CAMK2D: variants seen among roughly 807,000 people sequenced by gnomAD.
CAMK2D encodes calcium/calmodulin dependent protein kinase II delta.
A neutral mutation model predicts 84.0 loss-of-function variants in CAMK2D; 37 were observed. The ratio of observed to expected loss-of-function variants is 0.44; its 90% CI spans 0.34 to 0.58. The LOEUF is 0.58. Ranked by LOEUF, CAMK2D falls within the 20% of genes least tolerant of loss-of-function variation. The pLI, the probability that CAMK2D is intolerant of heterozygous loss-of-function variation, is 0.02. For synonymous variants in CAMK2D, 202 were observed against 212.5 expected, an observed-to-expected ratio of 0.95 and a Z score of 0.43; for missense variants, 448 against 652.5, an observed-to-expected ratio of 0.69 and a Z score of 3.41.
intron 2 of CAMK2D, among the ~76,000 whole-genome samples, chr4:113,740,364 T>C (rs891630947): frequency 3.7e-5 from 5 of 134,968 alleles, no homozygotes; most frequent in South Asian, 2.4e-4. Context: ...GAAAGTATTA[T>C]GCTAAATGAA....
At chr4:113,592,613 T>C (rs999086889) in intron 4 of CAMK2D, among the ~76,000 whole-genome samples, 3 of 152,200 alleles carry the variant, frequency 2.0e-5, no homozygotes, top group Non-Finnish European at 1.5e-5. Context: ...CAATGGAGTA[T>C]GATTTTTTTT....
intron 4 of CAMK2D, among the ~76,000 whole-genome samples, chr4:113,581,687 C>T (rs2098810912): frequency 1.3e-5 from 2 of 151,926 alleles, no homozygotes; most frequent in South Asian, 2.1e-4. Flanking sequence ...TTCTTCCTTC[C>T]CACTACTACA....
At chr4:113,673,179 G>T (rs1223856860) in intron 2 of CAMK2D, among the ~76,000 whole-genome samples, 1 of 152,128 alleles carries the variant, frequency 6.6e-6, no homozygotes, top group Non-Finnish European at 1.5e-5. Context: ...TACCAAATTG[G>T]AAGGGAATGA....
intron 16 of CAMK2D, among the ~76,000 whole-genome samples, chr4:113,488,543 T>C (rs1264007866): frequency 6.6e-6 from 1 of 152,200 alleles, no homozygotes; most frequent in Non-Finnish European, 1.5e-5. Flanking sequence ...TTAAAGTTAA[T>C]TCTTAAAGTG....
intron 4 of CAMK2D, among the ~76,000 whole-genome samples, chr4:113,602,665 T>C (rs957377746): frequency 3.3e-5 from 5 of 152,250 alleles, no homozygotes; most frequent in African/African-American, 1.2e-4. Flanking sequence ...CTTTGTTTTG[T>C]CTCTTCTCTA....
chr4:113,648,281 C>T (rs1327105489), intron 3 of CAMK2D, among the ~76,000 whole-genome samples: 1 of 151,990 alleles, frequency 6.6e-6, no homozygotes, highest in Non-Finnish European at 1.5e-5. Context: ...AAAATATATT[C>T]AGAATGAAAG....
Position 113,761,402 on chromosome 4 carries a change from G to A in CAMK2D, c.-334C>T, listed in dbSNP as rs1056607778. ...TAAAGTACTCAAGAAGAGGGGGCCG[G>A]GAAATGGAAAAACAGCCAGGCACGG... On this transcript the variant is annotated 5_prime_UTR_variant, in exon 1 of 21. Coordinates refer to ENST00000511664, the MANE Select transcript of CAMK2D (RefSeq NM_001321571.2). The A allele has an allele frequency of 8.0e-7, 1 of 1,244,962 alleles. No homozygotes were observed. Among genetic ancestry groups the A allele is most frequent in the East Asian group, 4.2e-5 (1 of 23,644 alleles). The allele number at this position is 1,244,962 out of a possible 1,614,324, so 77.1% of individuals were successfully genotyped here.
Position 113,680,463 on chromosome 4 carries a change from C to T in CAMK2D, c.161-18691G>A, listed in dbSNP as rs1256512245. ...TGAAGCTGACCCTGACTGCTGGAGG[C>T]TCTCCTGACTGCCTTCCTTGGAGGG... On this transcript the variant is annotated intron_variant, in intron 2 of 20. Coordinates refer to ENST00000511664, the MANE Select transcript of CAMK2D (RefSeq NM_001321571.2). 2.0e-5 allele frequency among the ~76,000 whole-genome samples: 3 copies of T among 152,194 alleles called. No individual in the cohort carries two copies. In the East Asian group the frequency reaches 5.8e-4, roughly 29 times the overall value.
intron 2 of CAMK2D, among the ~76,000 whole-genome samples, chr4:113,679,980 C>T (rs1465318092): frequency 1.3e-5 from 2 of 152,108 alleles, no homozygotes; most frequent in Non-Finnish European, 1.5e-5. Context: ...TAATAAACTA[C>T]AGTATATGAA....
At chr4:113,562,031 C>A (rs114768421) in intron 4 of CAMK2D, among the ~76,000 whole-genome samples, 4 of 152,068 alleles carry the variant, frequency 2.6e-5, no homozygotes, top group Admixed American at 1.3e-4. Flanking sequence ...TAAAGAAAAG[C>A]CTGATTTGCT....
intron 7 of CAMK2D, among the ~76,000 whole-genome samples, chr4:113,536,080 C>T (rs1256099043): frequency 6.6e-6 from 1 of 152,140 alleles, no homozygotes; most frequent in African/African-American, 2.4e-5. Context: ...AATTTACAGA[C>T]CTAATCTAGG....
chr4:113,741,744 T>G (rs1180211456), intron 2 of CAMK2D, among the ~76,000 whole-genome samples: 1 of 152,264 alleles, frequency 6.6e-6, no homozygotes, highest in East Asian at 1.9e-4. Context: ...ATTCCTTAAC[T>G]TGGCTAAAAG....
intron 2 of CAMK2D, among the ~76,000 whole-genome samples, chr4:113,670,077 G>A (rs747060646): frequency 3.9e-5 from 6 of 152,044 alleles, no homozygotes; most frequent in South Asian, 2.1e-4. Context: ...TCAGGAGTTC[G>A]TGACCAGCCT....
chr4:113,670,514 T>G (rs926604304), intron 2 of CAMK2D, among the ~76,000 whole-genome samples: 3 of 152,020 alleles, frequency 2.0e-5, no homozygotes, highest in Admixed American at 1.3e-4. Context: ...TATAGAGGAC[T>G]GATGAGATAA....
At chr4:113,537,795 C>T (rs1286780885) in intron 6 of CAMK2D, among the ~76,000 whole-genome samples, 3 of 152,136 alleles carry the variant, frequency 2.0e-5, no homozygotes, top group Admixed American at 2.0e-4. Context: ...AGAAGCCTAA[C>T]AGAGCAGACA....
chr4:113,458,397 T>C (rs1316172374), intron 18 of CAMK2D, among the ~76,000 whole-genome samples: 1 of 152,220 alleles, frequency 6.6e-6, no homozygotes, highest in Non-Finnish European at 1.5e-5. Context: ...TTTTTGGCTA[T>C]TATCCAAACA....
intron 7 of CAMK2D, among the ~76,000 whole-genome samples, 162 bp downstream of exon 7, chr4:113,537,179 G>A (rs900518739): frequency 6.6e-6 from 1 of 151,592 alleles, no homozygotes; most frequent in African/African-American, 2.4e-5. Flanking sequence ...AACCTTTTAT[G>A]TCAACAAAAT....
chr4:113,716,290 T>C (rs988866318), intron 2 of CAMK2D, among the ~76,000 whole-genome samples: 1 of 152,230 alleles, frequency 6.6e-6, no homozygotes, highest in Non-Finnish European at 1.5e-5. Flanking sequence ...CATTCTATTA[T>C]ACACTAAAAG....
chr4:113,610,794 C>A (rs1374064115), intron 3 of CAMK2D, among the ~76,000 whole-genome samples: 1 of 152,044 alleles, frequency 6.6e-6, no homozygotes, highest in African/African-American at 2.4e-5. Flanking sequence ...TGTCACAGTG[C>A]CACCCTTGAG....
Sources: allele counts gnomAD v4.1 joint callset (sites outside exome capture counted in the v4.1 genomes callset), GRCh38; gene constraint gnomAD v4.1.1; transcripts MANE v1.5; gene names NCBI Gene and HGNC (gene_info 2026-07-23, HGNC 2026-07-21).